RANBP2: variants seen among roughly 807,000 people sequenced by gnomAD.
The protein encoded by RANBP2 is RAN binding protein 2, also known as E3 SUMO-protein ligase RanBP2.
Under a neutral mutation model 303.6 loss-of-function variants are expected in RANBP2, and 57 were observed. The observed-to-expected ratio is 0.19, with a 90% CI of 0.15 to 0.23. The LOEUF (loss-of-function observed/expected upper bound fraction) is 0.23. Among genes scored for constraint, RANBP2 ranks in the 10% least tolerant of loss-of-function variants. The probability of loss-of-function intolerance (pLI) is 1.00; values close to 1 mark genes in which losing one functional copy is unlikely to be tolerated. For synonymous variants in RANBP2, 1,167 were observed against 1,301.5 expected (o/e 0.90, Z 2.23); for missense variants, 3,138 against 3,780.8 (o/e 0.83, Z 4.46).
At chr2:109,694,058 T>A in the RANBP2 span, among the ~76,000 whole-genome samples, 2 of 152,174 alleles carry the variant, frequency 1.3e-5, no homozygotes, top group African/African-American at 4.8e-5. Flanking sequence ...GAGTATCTCT[T>A]ATAATGTGGT....
At chr2:109,559,998 G>A in the RANBP2 span, among the ~76,000 whole-genome samples, 1 of 136,284 alleles carries the variant, frequency 7.3e-6, no homozygotes, top group South Asian at 2.5e-4. Context: ...TTGGCTCACC[G>A]CAAGCTCTGC....
At chr2:109,068,450 C>A in the RANBP2 span, among the ~76,000 whole-genome samples, 2 of 152,334 alleles carry the variant, frequency 1.3e-5, no homozygotes, top group South Asian at 4.1e-4. Context: ...CTGTTTTGAT[C>A]ACTGCAACAT....
chr2:109,222,170 G>A, the RANBP2 span, among the ~76,000 whole-genome samples: 2 of 152,218 alleles, frequency 1.3e-5, no homozygotes, highest in Non-Finnish European at 2.9e-5. Context: ...ACAGAGTAGA[G>A]TGCCAGATGC....
At chr2:109,054,802 G>C in the RANBP2 span, among the ~76,000 whole-genome samples, 2 of 151,708 alleles carry the variant, frequency 1.3e-5, no homozygotes, top group East Asian at 3.9e-4. Context: ...TCACCAGTAT[G>C]TTCCCTTGTC....
At chr2:109,014,983 G>C in the RANBP2 span, among the ~76,000 whole-genome samples, 1 of 151,938 alleles carries the variant, frequency 6.6e-6, no homozygotes, top group African/African-American at 2.4e-5. Context: ...AGCCAGGCGT[G>C]GTGGCACATG....
chr2:108,729,543 G>A (rs1468884934), intron 2 of RANBP2, among the ~76,000 whole-genome samples: 1 of 152,140 alleles, frequency 6.6e-6, no homozygotes, highest in Non-Finnish European at 1.5e-5. Context: ...ATGGAAAATA[G>A]CAATGAATAA....
intron 1 of RANBP2, among the ~76,000 whole-genome samples, chr2:108,723,624 C>CA (rs1405909190): frequency 6.6e-6 from 1 of 152,184 alleles, no homozygotes; most frequent in Non-Finnish European, 1.5e-5. Flanking sequence ...AAACTGTCCT[C>CA]AGACACTTTG....
chr2:109,565,768 A>T, the RANBP2 span: 3 of 1,613,324 alleles, frequency 1.9e-6, no homozygotes, highest in Non-Finnish European at 2.5e-6. Flanking sequence ...TTTACCTTGT[A>T]CAACACCCCA....
chr2:108,809,898 TG>T, the RANBP2 span, among the ~76,000 whole-genome samples: 103 of 152,270 alleles, frequency 6.8e-4, 1 homozygote, highest in Middle Eastern at 3.4e-3. Flanking sequence ...CTCCACCTCC[TG>T]GGTTCACACA....
chr2:109,280,720 G>A, the RANBP2 span, among the ~76,000 whole-genome samples: 1 of 152,218 alleles, frequency 6.6e-6, no homozygotes, highest in Non-Finnish European at 1.5e-5. Context: ...ATCTGGAGAC[G>A]TTGGAAATGG....
At chr2:109,049,842 C>T in the RANBP2 span, among the ~76,000 whole-genome samples, 21 of 152,234 alleles carry the variant, frequency 1.4e-4, 1 homozygote, top group African/African-American at 3.9e-4. Context: ...CAGGTTTTCC[C>T]GTTCGGGGCT....
the RANBP2 span, among the ~76,000 whole-genome samples, chr2:109,315,764 T>C: frequency 0.31 from 47,382 of 151,992 alleles, 9,143 homozygotes; most frequent in African/African-American, 0.55. Flanking sequence ...ACATTTAGAG[T>C]ATTCAGGTGA....
the RANBP2 span, chr2:109,129,805 C>T: frequency 1.3e-6 from 2 of 1,538,548 alleles, no homozygotes; most frequent in Middle Eastern, 1.8e-4. Context: ...CGTGTGCTCG[C>T]GCCACGAGCT....
chr2:109,186,355 G>A, the RANBP2 span, among the ~76,000 whole-genome samples: 1 of 152,348 alleles, frequency 6.6e-6, no homozygotes, highest in South Asian at 2.1e-4. Context: ...GAGGCACGGA[G>A]AAGTTGAGTA....
At chr2:109,057,030 A>T in the RANBP2 span, among the ~76,000 whole-genome samples, 1 of 152,230 alleles carries the variant, frequency 6.6e-6, no homozygotes, top group Admixed American at 6.5e-5. Flanking sequence ...TTGATTAGAA[A>T]TCAAGCATTT....
At chr2:109,685,919 A>T in the RANBP2 span, among the ~76,000 whole-genome samples, 2 of 151,456 alleles carry the variant, frequency 1.3e-5, no homozygotes, top group South Asian at 2.1e-4. Context: ...TTTGGGTAAA[A>T]CCCCCCCAAA....
At chr2:108,752,792 C>CAA (rs376345958) in intron 12 of RANBP2, among the ~76,000 whole-genome samples, 7 of 130,348 alleles carry the variant, frequency 5.4e-5, no homozygotes, top group Non-Finnish European at 6.6e-5. Flanking sequence ...GACTCTGTCT[C>CAA]AAAAAAAAAA....
At chr2:109,362,054 A>G in the RANBP2 span, among the ~76,000 whole-genome samples, 3 of 151,306 alleles carry the variant, frequency 2.0e-5, no homozygotes, top group African/African-American at 7.3e-5. Flanking sequence ...ATTTTTCTCT[A>G]TTGTTTTCAA....
chr2:108,816,672 C>G, the RANBP2 span, among the ~76,000 whole-genome samples: 1 of 152,114 alleles, frequency 6.6e-6, no homozygotes, highest in South Asian at 2.1e-4. Flanking sequence ...GAGGGCATCC[C>G]TCATAACCCA....
Sources: gnomAD v4.1 joint callset for allele counts (sites outside exome capture counted in the v4.1 genomes callset) on GRCh38, gnomAD v4.1.1 for gene constraint, MANE v1.5 for transcripts, NCBI Gene and HGNC (gene_info 2026-07-23, HGNC 2026-07-21) for gene names.